FAM228B: variants seen among roughly 807,000 people sequenced by gnomAD.
FAM228B encodes family with sequence similarity 228 member B.
A neutral mutation model predicts 42.6 loss-of-function variants in FAM228B; 38 were observed. That is an observed-to-expected ratio of 0.89 (90% CI 0.69 to 1.17). The LOEUF is 1.17. FAM228B is among the 50% of genes most tolerant of loss of function. The pLI is 0.00. For missense variants in FAM228B, 344 were observed against 367.3 expected, an observed-to-expected ratio of 0.94 and a Z score of 0.52; for synonymous variants, 109 against 122.3, an observed-to-expected ratio of 0.89 and a Z score of 0.72.
At chr2:24,110,532 A>G (rs1012857508) in intron 3 of FAM228B, among the ~76,000 whole-genome samples, 2 of 152,212 alleles carry the variant, frequency 1.3e-5, no homozygotes, top group African/African-American at 4.8e-5. Context: ...GCCCATATAA[A>G]AACCCTGGAA....
In FAM228B at chr2:24,084,672, C is replaced by T. The variant is rs774528510; in HGVS notation, c.-210+3717C>T. 1 of 210,620 alleles carries T rather than the reference C, an allele frequency of 4.7e-6. No individual in the cohort carries two copies. Among genetic ancestry groups the T allele is most frequent in the Non-Finnish European group, 9.4e-6 (1 of 106,370 alleles). The allele number at this position is 210,620 out of a possible 1,614,324, so 13.0% of individuals were successfully genotyped here. A position where few individuals can be genotyped will look rare whatever the true frequency, so the allele number is the denominator to read the frequency against. On this transcript the variant is annotated intron_variant, in intron 2 of 10. Coordinates refer to the FAM228B transcript ENST00000613899. This position sits in a 1 kb window ranked among gnomAD's most constrained non-coding sequence, Gnocchi z 8.4. Reference sequence around the variant, plus strand: ...AAGAGGATCAGGCAAATCACACTCCCTCTGAGTTGGAAGCCCCCAGCCCGA... The same window carrying T: ...AAGAGGATCAGGCAAATCACACTCCTTCTGAGTTGGAAGCCCCCAGCCCGA...
At position 24,146,799 on chromosome 2, in the gene FAM228B, G is replaced by C; in HGVS notation, c.493G>C (p.Asp165His). The C allele has an allele frequency of 6.5e-7, 1 of 1,549,638 alleles. No individual in the cohort carries two copies. Among genetic ancestry groups the C allele is most frequent in the Non-Finnish European group, 8.7e-7 (1 of 1,145,810 alleles). ...TTTGAAAAAAGCACAATATGACAAG[G>C]ATAACGAAAAAAGAACTCTTCTTCA... ...DPLKKAQYDK[D>H]NEKRTLLQCE... The change falls in exon 6 of 11, where the codon GAT (aspartate) becomes CAT (histidine). Residue 165 changes from aspartate (D) to histidine (H), a missense_variant. By Grantham distance (81) the Asp-to-His change is moderately conservative. Transcript: ENST00000615575.
intron 2 of FAM228B, among the ~76,000 whole-genome samples, chr2:24,089,887 A>T (rs2150990959): frequency 6.6e-6 from 1 of 151,386 alleles, no homozygotes; most frequent in East Asian, 1.9e-4. Context: ...AGGCAGGAGA[A>T]TCACTCGAGG....
Position 24,077,648 on chromosome 2 carries a change from G to C in FAM228B, c.-290+679G>C. 2 of 1,614,098 alleles carry C rather than the reference G, an allele frequency of 1.2e-6. No individual in the cohort carries two copies. Among genetic ancestry groups the C allele is most frequent in the South Asian group, 1.1e-5 (1 of 91,074 alleles). On this transcript the variant is annotated intron_variant, in intron 1 of 10. Transcript: ENST00000613899. The surrounding 1 kb of genome is among the most constrained non-coding windows in gnomAD (Gnocchi z 5.5). ...CCTCCATGTACTTATGGGCCTCCTGGATTTCGGTCACTGGGTAGATTCTGT... is the reference window on the plus strand; with the variant it reads ...CCTCCATGTACTTATGGGCCTCCTGCATTTCGGTCACTGGGTAGATTCTGT...
intron 3 of FAM228B, among the ~76,000 whole-genome samples, chr2:24,098,141 G>A (rs1305665416): frequency 2.0e-5 from 3 of 152,198 alleles, no homozygotes; most frequent in African/African-American, 7.2e-5. Context: ...GCAGTGTGTA[G>A]AGGGAAATTT....
At chr2:24,161,824 TGCGGTGGCTCCC>T (rs1461943798) in intron 8 of FAM228B, among the ~76,000 whole-genome samples, 2 of 152,020 alleles carry the variant, frequency 1.3e-5, no homozygotes, top group Admixed American at 6.5e-5. Context: ...GTAGGCTGGG[TGCGGTGGCTCCC>T]GCCTGTAATC....
chr2:24,119,468 T>A, upstream of FAM228B: 1 of 747,394 alleles, frequency 1.3e-6, no homozygotes, highest in Non-Finnish European at 2.2e-6. Context: ...ATCCTTCCAA[T>A]AAATTCCTCC....
intron 1 of FAM228B, 110 bp from the exon 2 acceptor site, chr2:24,124,220 G>A (rs1573757619): frequency 1.7e-6 from 1 of 583,080 alleles, no homozygotes; most frequent in East Asian, 2.9e-5. Context: ...AAACTGGATG[G>A]TTAGTGTTCA....
intron 5 of FAM228B, among the ~76,000 whole-genome samples, chr2:24,145,110 C>T (rs2151022788): frequency 6.6e-6 from 1 of 152,274 alleles, no homozygotes; most frequent in East Asian, 1.9e-4. Context: ...AAGAACCTGC[C>T]CATCCACCTG....
At chr2:24,151,067 C>T (rs1028311044) in intron 7 of FAM228B, among the ~76,000 whole-genome samples, 2 of 152,124 alleles carry the variant, frequency 1.3e-5, no homozygotes, top group African/African-American at 4.8e-5. Context: ...CTTAGATTTG[C>T]ACTTTTGAGG....
chr2:24,090,675 T>C (rs58696356), intron 2 of FAM228B, among the ~76,000 whole-genome samples: 45 of 151,320 alleles, frequency 3.0e-4, no homozygotes, highest in Middle Eastern at 3.4e-3. Context: ...CATCAACAAA[T>C]TAAAGGAGAA....
At chr2:24,146,287 C>T (rs1666893700) in intron 5 of FAM228B, among the ~76,000 whole-genome samples, 1 of 152,074 alleles carries the variant, frequency 6.6e-6, no homozygotes, top group East Asian at 1.9e-4. Context: ...TAATATTGGC[C>T]ATTAACATAG....
intron 2 of FAM228B, chr2:24,083,274 G>A: frequency 7.5e-7 from 1 of 1,336,656 alleles, no homozygotes; most frequent in Non-Finnish European, 1.0e-6. Flanking sequence ...AATGAAGTCA[G>A]GTTTTTGTAA....
At position 24,080,878 on chromosome 2, in the gene FAM228B, G is replaced by A. The variant is rs1483443188; in HGVS notation, c.-287G>A. 6.2e-7 allele frequency: 1 copy of A among 1,614,062 alleles called. No individual in the cohort carries two copies. The highest frequency in any genetic ancestry group is 1.3e-5 in the African/African-American group (1 of 74,910). On this transcript the variant is annotated splice_region_variant and 5_prime_UTR_variant, in exon 2 of 11. Coordinates refer to the FAM228B transcript ENST00000613899. The surrounding 1 kb of genome is among the most constrained non-coding windows in gnomAD (Gnocchi z 4.7). ...CTCTTTTTTGTAATTGAATCCAGCAGCTGCTCCAAGCTTTTCTGCCATTTG... is the reference window on the plus strand; with the variant it reads ...CTCTTTTTTGTAATTGAATCCAGCAACTGCTCCAAGCTTTTCTGCCATTTG...
chr2:24,106,038 A>T (rs1051280591), intron 3 of FAM228B, among the ~76,000 whole-genome samples: 3 of 152,224 alleles, frequency 2.0e-5, no homozygotes, highest in African/African-American at 7.2e-5. Context: ...CTTGGAAAAC[A>T]TATTTTAGGA....
intron 3 of FAM228B, among the ~76,000 whole-genome samples, chr2:24,136,925 T>C (rs550725808): frequency 1.3e-5 from 2 of 152,270 alleles, no homozygotes; most frequent in East Asian, 3.9e-4. Flanking sequence ...TGACTCCTCA[T>C]TTCTCCCTCC....
At position 24,084,529 on chromosome 2, in the gene FAM228B, GCTC is replaced by G; in HGVS notation, c.-210+3577_-210+3579del. ...GCCGCGGACCCGGCCTCCGCCCCGAGCTCCTGCCTGGGAAGTCCTCGGCCGCCT... is the reference window on the plus strand; with the variant it reads ...GCCGCGGACCCGGCCTCCGCCCCGAGCTGCCTGGGAAGTCCTCGGCCGCCT... On this transcript the variant is annotated intron_variant, in intron 2 of 10. Coordinates refer to the FAM228B transcript ENST00000613899. This position sits in a 1 kb window ranked among gnomAD's most constrained non-coding sequence, Gnocchi z 8.4. 1.5e-6 allele frequency: 1 copy of G among 670,358 alleles called. No homozygotes were observed. Among genetic ancestry groups the G allele is most frequent in the Non-Finnish European group, 2.3e-6 (1 of 433,074 alleles). 41.5% of individuals were successfully genotyped at this position (670,358 alleles called of 1,614,324 possible).
In FAM228B at chr2:24,139,471, T is replaced by C. The variant is rs1370296751; in HGVS notation, c.441+21T>C. ...TGAAGGTAGGGTAGATTTCTTTTTT[T>C]TAACTTTGGTATTATGTGTTTGGTT... On this transcript the variant is annotated intron_variant, in intron 5 of 10. Coordinates refer to ENST00000615575, the MANE Select transcript of FAM228B (RefSeq NM_001145710.2). 4 of 1,443,068 alleles carry C rather than the reference T, an allele frequency of 2.8e-6. No homozygotes were observed. In the East Asian group the frequency reaches 7.5e-5, roughly 27 times the overall value. The allele number at this position is 1,443,068 out of a possible 1,614,324, so 89.4% of individuals were successfully genotyped here. A position where few individuals can be genotyped will look rare whatever the true frequency, so the allele number is the denominator to read the frequency against.
In FAM228B at chr2:24,143,165, C is replaced by CT. The variant is rs1242483137; in HGVS notation, c.442-3574dup. Among the ~76,000 whole-genome samples, 291 of 151,268 alleles carry CT rather than the reference C, an allele frequency of 1.9e-3. 1 individual carries two copies. The highest frequency in any genetic ancestry group is 6.1e-3 in the African/African-American group (250 of 41,238). ...TAAAATACTCCTACCTTTTTCTTTT[C>CT]TTTTTTTTTCTTTTTTGGTTTGTTT... On this transcript the variant is annotated intron_variant, in intron 5 of 10. Coordinates refer to ENST00000615575, the MANE Select transcript of FAM228B (RefSeq NM_001145710.2).
Sources: allele counts gnomAD v4.1 joint callset (sites outside exome capture counted in the v4.1 genomes callset), GRCh38; gene constraint gnomAD v4.1.1; non-coding constraint Gnocchi (gnomAD v3.1); transcripts MANE v1.5; gene names NCBI Gene and HGNC (gene_info 2026-07-23, HGNC 2026-07-21).